OSBPL11: variants seen among roughly 807,000 people sequenced by gnomAD.
OSBPL11 encodes the protein oxysterol-binding protein-related protein 11.
Under a neutral mutation model 84.4 loss-of-function variants are expected in OSBPL11, and 33 were observed. That is an observed-to-expected ratio of 0.39 (90% CI 0.30 to 0.52). The LOEUF (loss-of-function observed/expected upper bound fraction) is 0.52. Among genes scored for constraint, OSBPL11 ranks in the 20% least tolerant of loss-of-function variants. The pLI, the probability that OSBPL11 is intolerant of heterozygous loss-of-function variation, is 0.72. For missense variants in OSBPL11, 736 were observed against 901.1 expected (o/e 0.82, Z 2.35); for synonymous variants, 276 against 310.2 (o/e 0.89, Z 1.16).
chr3:125,546,281 C>T (rs888861961), intron 10 of OSBPL11, among the ~76,000 whole-genome samples: 5 of 150,570 alleles, frequency 3.3e-5, no homozygotes, highest in South Asian at 2.1e-4. Context: ...TCAAGCAATT[C>T]TCCTGCCTCA....
intron 10 of OSBPL11, among the ~76,000 whole-genome samples, chr3:125,539,319 A>ATATG (rs1258520047): frequency 3.4e-5 from 4 of 118,590 alleles, no homozygotes; most frequent in Non-Finnish European, 6.6e-5. Context: ...ATATATATAT[A>ATATG]TATATATATA....
chr3:125,531,920 C>T lies in OSBPL11; in HGVS notation c.2119G>A (p.Glu707Lys). The part of the protein sequence containing the change: ...KHTLEERQRT[E>K]ERHRTETGTP... Reference sequence around the variant, plus strand: ...CCTGTTTCAGTACGATGCCTTTCTTCAGTCCTCTGACGTTCTTCCAGGGTA... The same window carrying T: ...CCTGTTTCAGTACGATGCCTTTCTTTAGTCCTCTGACGTTCTTCCAGGGTA... The change falls in exon 12 of 13, where the codon GAA becomes AAA. Residue 707 changes from glutamate to lysine, a missense_variant. Around this residue, in one of 3 missense-constraint regions of OSBPL11, gnomAD observed 579 missense variants for 717.6 expected, o/e 0.81. Transcript: ENST00000296220. The T allele has an allele frequency of 6.2e-7, 1 of 1,614,106 alleles. No individual in the cohort carries two copies. The highest frequency in any genetic ancestry group is 8.5e-7 in the Non-Finnish European group (1 of 1,180,020).
At chr3:125,581,980 A>G (rs62270205) in intron 2 of OSBPL11, among the ~76,000 whole-genome samples, 20,615 of 151,780 alleles carry the variant, frequency 0.14, 1,433 homozygotes, top group South Asian at 0.18. Context: ...TCTCAAAAAT[A>G]ATTAATTAAT....
intron 10 of OSBPL11, among the ~76,000 whole-genome samples, chr3:125,543,925 A>G (rs1374155543): frequency 6.6e-6 from 1 of 152,148 alleles, no homozygotes; most frequent in African/African-American, 2.4e-5. Flanking sequence ...AAAAATAAAA[A>G]TAACCACTTT....
At chr3:125,545,094 GA>G (rs1355790640) in intron 10 of OSBPL11, among the ~76,000 whole-genome samples, 1 of 152,162 alleles carries the variant, frequency 6.6e-6, no homozygotes, top group Non-Finnish European at 1.5e-5. Context: ...TTTACTGACT[GA>G]AAGTTAGCTT....
chr3:125,554,801 AAGAC>A (rs1935965726), intron 8 of OSBPL11, among the ~76,000 whole-genome samples: 3 of 152,294 alleles, frequency 2.0e-5, no homozygotes, highest in African/African-American at 2.4e-5. Context: ...CATAACACAG[AAGAC>A]AGACAAAGAG....
chr3:125,531,742 A>G, intron 12 of OSBPL11, 119 bp downstream of exon 12: 1 of 988,784 alleles, frequency 1.0e-6, no homozygotes, highest in Non-Finnish European at 1.4e-6. Context: ...GTATTTATAT[A>G]CAGCCATACT....
At chr3:125,540,490 T>C (rs2107589192) in intron 10 of OSBPL11, among the ~76,000 whole-genome samples, 1 of 152,292 alleles carries the variant, frequency 6.6e-6, no homozygotes, top group Non-Finnish European at 1.5e-5. Context: ...CCTGGTTTCT[T>C]GCCAGTGTGA....
chr3:125,593,177 G>T (rs1314787854), intron 1 of OSBPL11, among the ~76,000 whole-genome samples: 3 of 152,182 alleles, frequency 2.0e-5, no homozygotes, highest in Admixed American at 6.5e-5. Flanking sequence ...CCCCATAGCA[G>T]GTCAGGACGA....
In OSBPL11 at chr3:125,577,818, G is replaced by C. The variant is rs965500947; in HGVS notation, c.489+1142C>G. 4.6e-5 allele frequency among the ~76,000 whole-genome samples: 7 copies of C among 151,072 alleles called. 1 individual carries two copies. In the South Asian group the frequency reaches 1.5e-3, roughly 32 times the overall value. On this transcript the variant is annotated intron_variant, in intron 4 of 12. Transcript: ENST00000296220. The stretch of plus-strand genomic sequence containing the variant: ...CACTCCAGCCTGGGTAACAGAGTGA[G>C]ACTCCATCTCAAAAAAAAAAAGAAA...
intron 2 of OSBPL11, among the ~76,000 whole-genome samples, chr3:125,581,150 T>C (rs1249823218): frequency 3.3e-5 from 5 of 151,894 alleles, no homozygotes; most frequent in African/African-American, 1.2e-4. Flanking sequence ...TGGAGTGCAG[T>C]GGCACCACCT....
intron 6 of OSBPL11, among the ~76,000 whole-genome samples, chr3:125,566,150 C>T (rs912938767): frequency 1.3e-5 from 2 of 152,022 alleles, no homozygotes; most frequent in South Asian, 2.1e-4. Flanking sequence ...GGATTACAGG[C>T]GCCTGCCACC....
intron 5 of OSBPL11, 122 bp from the exon 6 acceptor site, chr3:125,567,717 G>A: frequency 1.3e-6 from 1 of 758,296 alleles, no homozygotes; most frequent in Non-Finnish European, 2.1e-6. Context: ...ACTAGGCTAG[G>A]CATGGTGGCT....
Position 125,563,703 on chromosome 3 carries a change from C to A in OSBPL11, c.1009G>T (p.Ala337Ser), listed in dbSNP as rs146042429. ...EQPVAESGLL[A>S]REPEEINADD... ...ATATTTTTATATTACCTTACCCTCG[C>A]TAATAGTCCAGATTCTGCAACAGGC... The change falls in exon 7 of 13, where the codon GCG (alanine) becomes TCG (serine). Residue 337 changes from alanine (A) to serine (S), a missense_variant. Ala to Ser is a moderately conservative substitution (Grantham distance 99). Coordinates refer to ENST00000296220, the MANE Select transcript of OSBPL11 (RefSeq NM_022776.5). 127 of 1,614,082 alleles carry A rather than the reference C, an allele frequency of 7.9e-5. No homozygotes were observed. In the African/African-American group the frequency reaches 1.5e-3, roughly 19 times the overall value.
chr3:125,549,826 A>AG (rs1935873532), intron 9 of OSBPL11, among the ~76,000 whole-genome samples: 1 of 152,138 alleles, frequency 6.6e-6, no homozygotes, highest in South Asian at 2.1e-4. Context: ...TTGCAGTGTG[A>AG]GAGGCTACCA....
chr3:125,567,508 G>GA lies in OSBPL11; in HGVS notation c.753_754insT (p.Gln252SerfsTer19). 1 of 1,613,842 alleles carries GA rather than the reference G, an allele frequency of 6.2e-7. No homozygotes were observed. Among genetic ancestry groups the GA allele is most frequent in the Non-Finnish European group, 8.5e-7 (1 of 1,179,776 alleles). Reference sequence around the variant, plus strand: ...GTAGCTTTGAGCATTAAGAGATCCTGGTCCAAGGAACTAAGATGGCCAGAA... The same window carrying GA: ...GTAGCTTTGAGCATTAAGAGATCCTGAGTCCAAGGAACTAAGATGGCCAGAA... On this transcript the variant is annotated frameshift_variant, in exon 6 of 13. Transcript: ENST00000296220. LOFTEE classifies it high-confidence loss of function.
rs1455718291 is a variant in OSBPL11, at chr3:125,594,654, T to C, written c.147A>G (p.Ala49=). 14 of 1,613,742 alleles carry C rather than the reference T, an allele frequency of 8.7e-6. No homozygotes were observed. The highest frequency in any genetic ancestry group is 1.2e-5 in the Non-Finnish European group (14 of 1,180,014). ...SSSSSSRGGS[A]KGWQYSDHME... is the part of the protein sequence containing the mutation. Reference sequence around the variant, plus strand: ...GAGCATACCTGTACTGCCAGCCTTTTGCACTGCCACCGCGGCTGCTGCTGC... The same window carrying C: ...GAGCATACCTGTACTGCCAGCCTTTCGCACTGCCACCGCGGCTGCTGCTGC... The change falls in exon 1 of 13, where the codon GCA becomes GCG. Residue 49 remains alanine, a synonymous_variant. Transcript: ENST00000296220.
intron 12 of OSBPL11, among the ~76,000 whole-genome samples, chr3:125,531,311 G>A (rs1935551996): frequency 7.8e-6 from 1 of 127,648 alleles, no homozygotes; most frequent in African/African-American, 3.0e-5. Context: ...TTTTTTTGGA[G>A]ACAGAGTTTC....
At chr3:125,533,000 A>G (rs1935584211) in intron 11 of OSBPL11, among the ~76,000 whole-genome samples, 1 of 151,976 alleles carries the variant, frequency 6.6e-6, no homozygotes, top group Non-Finnish European at 1.5e-5. Flanking sequence ...TTATAGAGAC[A>G]GAAAGTTAGT....
Sources: gnomAD v4.1 joint callset for allele counts (sites outside exome capture counted in the v4.1 genomes callset) on GRCh38, gnomAD v4.1.1 for gene constraint, gnomAD v4.1.1 regional missense constraint, MANE v1.5 for transcripts, NCBI Gene and HGNC (gene_info 2026-07-23, HGNC 2026-07-21) for gene names.